SEMA3E: variants seen among roughly 807,000 people sequenced by gnomAD.
The protein encoded by SEMA3E is semaphorin 3E.
In SEMA3E, 49 loss-of-function variants were observed where a neutral mutation model predicts 93.6. The ratio of observed to expected loss-of-function variants is 0.52; its 90% CI spans 0.42 to 0.66. The LOEUF is 0.66. Ranked by LOEUF, SEMA3E falls within the 30% of genes least tolerant of loss-of-function variation. The pLI, the probability that SEMA3E is intolerant of heterozygous loss-of-function variation, is 0.00. For synonymous variants in SEMA3E, 363 were observed against 330.7 expected (o/e 1.10, Z -1.06); for missense variants, 906 against 964.8 (o/e 0.94, Z 0.81).
At chr7:83,382,347 G>A (rs1787792588) in intron 16 of SEMA3E, among the ~76,000 whole-genome samples, 1 of 151,990 alleles carries the variant, frequency 6.6e-6, no homozygotes, top group Non-Finnish European at 1.5e-5. Flanking sequence ...AGCACTGAAT[G>A]TGAAACAGCA....
intron 1 of SEMA3E, among the ~76,000 whole-genome samples, chr7:83,565,995 C>CTTTTTTTTTTTTTTTT (rs750248438): frequency 8.9e-6 from 1 of 112,740 alleles, no homozygotes; most frequent in Non-Finnish European, 1.7e-5. Flanking sequence ...TGTTTCCACT[C>CTTTTTTTTTTTTTTTT]TTTTTTTTTT....
chr7:83,467,539 T>G (rs751485134), intron 3 of SEMA3E, among the ~76,000 whole-genome samples: 11 of 152,168 alleles, frequency 7.2e-5, no homozygotes, highest in South Asian at 2.1e-4. Context: ...TCAGCAAACT[T>G]TTTCTGTAAA....
intron 1 of SEMA3E, among the ~76,000 whole-genome samples, chr7:83,548,550 C>A (rs923141510): frequency 2.6e-5 from 4 of 151,904 alleles, no homozygotes; most frequent in Admixed American, 6.6e-5. Context: ...TCTTTAGAGT[C>A]TTTTATATCT....
chr7:83,440,001 C>T (rs773136358), intron 4 of SEMA3E, among the ~76,000 whole-genome samples: 43 of 152,190 alleles, frequency 2.8e-4, no homozygotes, highest in Non-Finnish European at 5.6e-4. Flanking sequence ...CACTTCACCA[C>T]TCTGTGCACA....
intron 14 of SEMA3E, among the ~76,000 whole-genome samples, chr7:83,389,145 ACAAG>A (rs1787942729): frequency 6.6e-6 from 1 of 152,074 alleles, no homozygotes; most frequent in African/African-American, 2.4e-5. Context: ...TGAAAAAATA[ACAAG>A]CAAAAGTAGA....
At chr7:83,388,525 A>G (rs1787929807) in intron 14 of SEMA3E, among the ~76,000 whole-genome samples, 1 of 151,844 alleles carries the variant, frequency 6.6e-6, no homozygotes, top group Non-Finnish European at 1.5e-5. Flanking sequence ...GGTAGAAAAT[A>G]CCACTTGCTT....
At chr7:83,554,056 A>T (rs1305426790) in intron 1 of SEMA3E, among the ~76,000 whole-genome samples, 3 of 152,160 alleles carry the variant, frequency 2.0e-5, no homozygotes, top group Non-Finnish European at 2.9e-5. Context: ...CTGCATACTT[A>T]AGTATGTAAT....
intron 10 of SEMA3E, among the ~76,000 whole-genome samples, chr7:83,401,685 T>C (rs1336416710): frequency 6.6e-6 from 1 of 152,236 alleles, no homozygotes; most frequent in South Asian, 2.1e-4. Flanking sequence ...GCTTTAACAC[T>C]TGTTAATGGA....
At chr7:83,372,572 A>G (rs1794763593) in intron 16 of SEMA3E, 1 of 271,580 alleles carries the variant, frequency 3.7e-6, no homozygotes. Context: ...TCAGAAACCC[A>G]AGTTTGAGAA....
chr7:83,407,248 G>A lies in SEMA3E; in HGVS notation c.671-9C>T. ...ACCTACAAATTTTGGTTCTATAGGA[G>A]CAAAAAATAGGAGAAAAAGTGAAAT... On this transcript the variant is annotated splice_polypyrimidine_tract_variant and intron_variant, in intron 6 of 16. Coordinates refer to ENST00000643230, the MANE Select transcript of SEMA3E (RefSeq NM_012431.3). 1 of 1,608,318 alleles carries A rather than the reference G, an allele frequency of 6.2e-7. No individual in the cohort carries two copies.
intron 1 of SEMA3E, among the ~76,000 whole-genome samples, chr7:83,510,826 C>T (rs550126366): frequency 3.9e-5 from 6 of 152,278 alleles, no homozygotes; most frequent in South Asian, 4.1e-4. Context: ...GGCTAGTTGA[C>T]ATTTGGTGAA....
intron 1 of SEMA3E, among the ~76,000 whole-genome samples, chr7:83,574,557 C>T (rs1467497227): frequency 6.7e-6 from 1 of 148,270 alleles, no homozygotes; most frequent in Non-Finnish European, 1.5e-5. Context: ...ACTCTTTACC[C>T]ACATAAACTT....
intron 1 of SEMA3E, among the ~76,000 whole-genome samples, chr7:83,492,993 A>G (rs1051614318): frequency 1.3e-5 from 2 of 151,980 alleles, no homozygotes; most frequent in Admixed American, 1.3e-4. Flanking sequence ...TGGCTTTGAC[A>G]ATAATTGCGT....
At chr7:83,634,744 A>C in intron 1 of SEMA3E, among the ~76,000 whole-genome samples, 1 of 152,058 alleles carries the variant, frequency 6.6e-6, no homozygotes, top group East Asian at 1.9e-4. Flanking sequence ...ACAATATAAT[A>C]ATAAAATCAA....
intron 15 of SEMA3E, among the ~76,000 whole-genome samples, chr7:83,386,397 C>T (rs1787882043): frequency 6.6e-6 from 1 of 152,084 alleles, no homozygotes; most frequent in Middle Eastern, 3.2e-3. Context: ...TAGAAAGAGT[C>T]AGGAGTTAAC....
At chr7:83,631,152 A>G (rs570114496) in intron 1 of SEMA3E, among the ~76,000 whole-genome samples, 3 of 152,234 alleles carry the variant, frequency 2.0e-5, no homozygotes, top group Admixed American at 6.5e-5. Flanking sequence ...ACATTTAAAA[A>G]GCTTCTGTTT....
At chr7:83,484,007 C>G (rs1790201207) in intron 2 of SEMA3E, among the ~76,000 whole-genome samples, 2 of 152,166 alleles carry the variant, frequency 1.3e-5, no homozygotes, top group Admixed American at 6.5e-5. Flanking sequence ...AATCTGACCC[C>G]ACCTTTCCAA....
At chr7:83,645,002 A>G (rs1360529129) in intron 1 of SEMA3E, among the ~76,000 whole-genome samples, 5 of 152,072 alleles carry the variant, frequency 3.3e-5, no homozygotes, top group African/African-American at 1.2e-4. Flanking sequence ...CCAAGCTCCC[A>G]TGATTGAATT....
At chr7:83,396,804 C>T in intron 11 of SEMA3E, 75 bp from the exon 12 acceptor site, 1 of 984,696 alleles carries the variant, frequency 1.0e-6, no homozygotes, top group Non-Finnish European at 1.6e-6. Flanking sequence ...ATGTAGCTGG[C>T]TGGGTGCAGT....
Sources: allele counts gnomAD v4.1 joint callset (sites outside exome capture counted in the v4.1 genomes callset), GRCh38; gene constraint gnomAD v4.1.1; transcripts MANE v1.5; gene names NCBI Gene and HGNC (gene_info 2026-07-23, HGNC 2026-07-21).